Variants in SGMS1 observed in about 807,000 individuals in gnomAD.
The protein encoded by SGMS1 is phosphatidylcholine:ceramide cholinephosphotransferase 1.
A neutral mutation model predicts 46.2 loss-of-function variants in SGMS1; 13 were observed. The ratio of observed to expected loss-of-function variants is 0.28; its 90% CI spans 0.18 to 0.45. The LOEUF (loss-of-function observed/expected upper bound fraction) is 0.45. Among genes scored for constraint, SGMS1 ranks in the 20% least tolerant of loss-of-function variants. The pLI is 1.00. For missense variants in SGMS1, 324 were observed against 519.9 expected (o/e 0.62, Z 3.66); for synonymous variants, 203 against 187.8 (o/e 1.08, Z -0.66).
intron 1 of SGMS1, among the ~76,000 whole-genome samples, chr10:50,610,863 C>T (rs1463022542): frequency 1.3e-5 from 2 of 152,172 alleles, no homozygotes; most frequent in Admixed American, 6.5e-5. Flanking sequence ...ATCCTGGCCT[C>T]GTTCAACGTC....
chr10:50,408,442 A>C (rs1344121201), intron 6 of SGMS1, among the ~76,000 whole-genome samples: 5 of 150,086 alleles, frequency 3.3e-5, no homozygotes, highest in South Asian at 2.1e-4. Context: ...AAAAAAAAAA[A>C]AAAAAAAAAA....
At chr10:50,325,797 C>T (rs1847521100) in intron 8 of SGMS1, among the ~76,000 whole-genome samples, 1 of 152,156 alleles carries the variant, frequency 6.6e-6, no homozygotes, top group Non-Finnish European at 1.5e-5. Context: ...AGCAAAATTT[C>T]CCAATGCACA....
chr10:50,599,502 T>C (rs1838628943), intron 1 of SGMS1, among the ~76,000 whole-genome samples: 1 of 152,146 alleles, frequency 6.6e-6, no homozygotes, highest in African/African-American at 2.4e-5. Context: ...TTAAGTTTAT[T>C]CAAAGACTCC....
intron 6 of SGMS1, among the ~76,000 whole-genome samples, chr10:50,399,515 C>A (rs980447609): frequency 6.6e-6 from 1 of 152,032 alleles, no homozygotes; most frequent in Non-Finnish European, 1.5e-5. Flanking sequence ...AAATTATATA[C>A]AATGACACAT....
At chr10:50,367,816 T>C (rs1420228879) in intron 6 of SGMS1, among the ~76,000 whole-genome samples, 2 of 152,226 alleles carry the variant, frequency 1.3e-5, no homozygotes, top group African/African-American at 4.8e-5. Context: ...AACTAACTGC[T>C]GGTTAAAAGC....
intron 6 of SGMS1, among the ~76,000 whole-genome samples, chr10:50,385,316 G>C (rs145227636): frequency 1.3e-5 from 2 of 152,250 alleles, no homozygotes; most frequent in Admixed American, 6.5e-5. Context: ...ATAAATGGCA[G>C]CTATTATTAT....
At chr10:50,398,187 GTAAT>G (rs1467939136) in intron 6 of SGMS1, among the ~76,000 whole-genome samples, 6 of 152,116 alleles carry the variant, frequency 3.9e-5, no homozygotes, top group Non-Finnish European at 7.4e-5. Flanking sequence ...TCAGAAAACA[GTAAT>G]TATTCACGTG....
At chr10:50,369,855 A>C (rs989697887) in intron 6 of SGMS1, among the ~76,000 whole-genome samples, 4 of 152,222 alleles carry the variant, frequency 2.6e-5, no homozygotes, top group African/African-American at 9.7e-5. Flanking sequence ...AACATCACAG[A>C]AAATGTATCT....
At chr10:50,320,244 C>T (rs1033026573) in intron 8 of SGMS1, among the ~76,000 whole-genome samples, 3 of 152,166 alleles carry the variant, frequency 2.0e-5, no homozygotes, top group Non-Finnish European at 4.4e-5. Context: ...GCAGAAGCAT[C>T]ATCCGTCTCC....
chr10:50,566,937 TG>T (rs746582128), intron 2 of SGMS1, among the ~76,000 whole-genome samples: 5 of 152,232 alleles, frequency 3.3e-5, no homozygotes, highest in Admixed American at 6.5e-5. Flanking sequence ...TTTGTTTTGT[TG>T]TTGTTGTTGT....
chr10:50,504,855 A>G (rs577909532), intron 3 of SGMS1, among the ~76,000 whole-genome samples: 4 of 152,276 alleles, frequency 2.6e-5, no homozygotes, highest in African/African-American at 7.2e-5. Context: ...CTGCTCTCAA[A>G]TTTCCCTTTT....
chr10:50,502,759 T>C (rs545879590), intron 3 of SGMS1, among the ~76,000 whole-genome samples: 3 of 152,326 alleles, frequency 2.0e-5, no homozygotes, highest in South Asian at 4.1e-4. Flanking sequence ...ACAGCCTTTT[T>C]CTAAAGGAAG....
At chr10:50,333,597 A>T (rs1255537379) in intron 7 of SGMS1, among the ~76,000 whole-genome samples, 3 of 152,190 alleles carry the variant, frequency 2.0e-5, no homozygotes, top group African/African-American at 7.2e-5. Flanking sequence ...AGGTATCTCA[A>T]TGGCTACAGA....
At chr10:50,385,021 A>C (rs529246902) in intron 6 of SGMS1, among the ~76,000 whole-genome samples, 2 of 152,204 alleles carry the variant, frequency 1.3e-5, no homozygotes, top group Admixed American at 1.3e-4. Flanking sequence ...GCAGTTCCTC[A>C]ATCTTTCTTC....
In SGMS1 at chr10:50,343,277, C is replaced by T. The variant is rs1307122765; in HGVS notation, c.623+215G>A. 18 of 478,566 alleles carry T rather than the reference C, an allele frequency of 3.8e-5. No individual in the cohort carries two copies. The East Asian group carries it at 6.4e-4, about 17-fold the overall frequency. The allele number at this position is 478,566 out of a possible 1,614,324, so 29.6% of individuals were successfully genotyped here. A position where few individuals can be genotyped will look rare whatever the true frequency, so the allele number is the denominator to read the frequency against. ...CATCTCTAACCATCTTATTCATCAT[C>T]CTGTATGAATCTTGCATAAAACAGG... On this transcript the variant is annotated intron_variant, in intron 7 of 10. Transcript: ENST00000361781.
intron 1 of SGMS1, among the ~76,000 whole-genome samples, chr10:50,590,912 C>G (rs1374365496): frequency 6.6e-6 from 1 of 152,122 alleles, no homozygotes; most frequent in Non-Finnish European, 1.5e-5. Flanking sequence ...AAAACTGGAG[C>G]TTCAATGACT....
chr10:50,321,880 A>G (rs1847452052), intron 8 of SGMS1, among the ~76,000 whole-genome samples: 1 of 152,226 alleles, frequency 6.6e-6, no homozygotes, highest in Non-Finnish European at 1.5e-5. Context: ...AACTTGTGCC[A>G]GCATAGGGAC....
chr10:50,617,057 T>C (rs1838804721), intron 1 of SGMS1, among the ~76,000 whole-genome samples: 1 of 151,958 alleles, frequency 6.6e-6, no homozygotes, highest in Admixed American at 6.6e-5. Context: ...CACACTGCAA[T>C]GCTATAATAA....
At chr10:50,327,357 C>G in intron 7 of SGMS1, 35 bp from the exon 8 acceptor site, 1 of 1,227,912 alleles carries the variant, frequency 8.1e-7, no homozygotes. Context: ...GATTCTCAGT[C>G]AAGAAATTCT....
Sources: allele counts gnomAD v4.1 joint callset (sites outside exome capture counted in the v4.1 genomes callset), GRCh38; gene constraint gnomAD v4.1.1; transcripts MANE v1.5; gene names NCBI Gene and HGNC (gene_info 2026-07-23, HGNC 2026-07-21).